CFHR4: variants seen among roughly 807,000 people sequenced by gnomAD.
CFHR4 encodes complement factor H-related protein 4.
In CFHR4, 64 loss-of-function variants were observed where a neutral mutation model predicts 69.3. The ratio of observed to expected loss-of-function variants is 0.92; its 90% confidence interval spans 0.76 to 1.14. The LOEUF is 1.14. CFHR4 is among the 50% of genes most tolerant of loss of function. The probability of loss-of-function intolerance (pLI) is 0.00; values close to 1 mark genes in which losing one functional copy is unlikely to be tolerated. For missense variants in CFHR4, 636 were observed against 684.9 expected, an observed-to-expected ratio of 0.93 and a Z score of 0.80; for synonymous variants, 244 against 237.0, an observed-to-expected ratio of 1.03 and a Z score of -0.27.
intron 1 of CFHR4, 104 bp from the exon 2 acceptor site, chr1:196,902,314 C>T (rs1167980115): frequency 1.2e-6 from 1 of 819,708 alleles, no homozygotes; most frequent in Non-Finnish European, 1.9e-6. Context: ...ACCCCTAATT[C>T]ATTACACTAA....
chr1:196,897,694 TTC>T (rs1178841426), intron 1 of CFHR4, among the ~76,000 whole-genome samples: 13 of 151,450 alleles, frequency 8.6e-5, no homozygotes, highest in Admixed American at 7.2e-4. Context: ...ATTCCTGCTC[TTC>T]TCTCTTTCTC....
At chr1:196,909,991 A>C (rs1658152318) in intron 5 of CFHR4, among the ~76,000 whole-genome samples, 1 of 150,742 alleles carries the variant, frequency 6.6e-6, no homozygotes. Flanking sequence ...GTGTCTACTA[A>C]AATTACAAAA....
Position 196,907,377 on chromosome 1 carries a change from G to A in CFHR4, c.678G>A (p.Pro226=), listed in dbSNP as rs779045232. The A allele has an allele frequency of 3.7e-5, 59 of 1,611,444 alleles. 1 individual carries two copies. The highest frequency in any genetic ancestry group is 6.7e-5 in the East Asian group (3 of 44,802). The change falls in exon 5 of 10, where the codon CCG becomes CCA. Residue 226 remains proline (P), a synonymous_variant. Coordinates refer to ENST00000608469, the MANE Select transcript of CFHR4 (RefSeq NM_001201550.3). ...GCAATGGAGATACCACGTCCTTCCC[G>A]CAAAAAGTGTATCTGCCATGGTCAA... The part of the protein sequence containing the change: ...PISNGDTTSF[P]QKVYLPWSRV...
At chr1:196,915,939 T>C (rs1203947208) in intron 9 of CFHR4, among the ~76,000 whole-genome samples, 1 of 151,286 alleles carries the variant, frequency 6.6e-6, no homozygotes, top group Non-Finnish European at 1.5e-5. Flanking sequence ...CCGGATAGAA[T>C]ACATAGCTGG....
rs116836101 is a variant in CFHR4 at position 196,897,654 on chromosome 1, A to G, written c.59-4764A>G. 6.8e-3 allele frequency among the ~76,000 whole-genome samples: 1,034 copies of G among 151,448 alleles called. 39 individuals are homozygous for G. Among genetic ancestry groups the G allele is most frequent in the African/African-American group, 0.024 (989 of 41,076 alleles). ...GCCAGATTTTTCTCCGACCTCCCCT[A>G]GCGGAACTCATTTCCCTCGGCATCC... On this transcript the variant is annotated intron_variant, in intron 1 of 9. Coordinates refer to ENST00000608469, the MANE Select transcript of CFHR4 (RefSeq NM_001201550.3).
Position 196,918,287 on chromosome 1 carries a change from G to A in CFHR4, c.1618G>A (p.Ala540Thr). Residue 540 changes from alanine to threonine, a missense_variant, in exon 10 of 10, where the codon GCA becomes ACA. Physicochemically the swap from Ala to Thr is moderately conservative, Grantham distance 58 (BLOSUM62 0). Coordinates refer to ENST00000608469, the MANE Select transcript of CFHR4 (RefSeq NM_001201550.3). ...LKGKSDIKYY[A>T]KTGDTIEFMC... is the part of the protein sequence containing the mutation. ...AGGAAAAAGTGACATAAAATATTATGCAAAAACAGGGGATACCATTGAATT... is the reference window on the plus strand; with the variant it reads ...AGGAAAAAGTGACATAAAATATTATACAAAAACAGGGGATACCATTGAATT... 6.2e-7 allele frequency: 1 copy of A among 1,609,036 alleles called. No individual in the cohort carries two copies. The highest frequency in any genetic ancestry group is 8.5e-7 in the Non-Finnish European group (1 of 1,176,694).
chr1:196,897,714 T>G (rs1657390010), intron 1 of CFHR4, among the ~76,000 whole-genome samples: 1 of 151,446 alleles, frequency 6.6e-6, no homozygotes, highest in Admixed American at 6.6e-5. Flanking sequence ...CTCTGCTGCC[T>G]TGTTCCGCTG....
At chr1:196,905,409 C>G (rs757646955) in intron 3 of CFHR4, 119 bp downstream of exon 3, 10 of 1,330,680 alleles carry the variant, frequency 7.5e-6, no homozygotes, top group Non-Finnish European at 7.2e-6. Context: ...ATAAATACTT[C>G]TAACATCATC....
intron 1 of CFHR4, among the ~76,000 whole-genome samples, chr1:196,897,345 G>T (rs924254660): frequency 2.0e-5 from 3 of 151,398 alleles, no homozygotes; most frequent in Admixed American, 2.0e-4. Context: ...CGCCCAAGTG[G>T]ACGCGTGTTA....
chr1:196,912,846 T>G lies in CFHR4; in HGVS notation c.1104T>G (p.Tyr368Ter), dbSNP rs1658352333. Reference protein sequence around the residue: ...KEIQYKCKPGYATADGNSSGS... With the variant: ...KEIQYKCKPG ...TACAATATAAATGTAAACCAGGATA[T>G]GCAACAGCAGATGGAAATTCTTCAG... The change falls in exon 7 of 10, where the codon TAT becomes TAG. Residue 368 changes from tyrosine to a stop codon, truncating the protein, a stop_gained. Transcript: ENST00000608469. LOFTEE classifies it high-confidence loss of function. 1 of 1,611,278 alleles carries G rather than the reference T, an allele frequency of 6.2e-7. No individual in the cohort carries two copies. The highest frequency in any genetic ancestry group is 8.5e-7 in the Non-Finnish European group (1 of 1,178,782).
chr1:196,918,050 T>C (rs1007997493), intron 9 of CFHR4, among the ~76,000 whole-genome samples, 160 bp from the exon 10 acceptor site: 3 of 151,650 alleles, frequency 2.0e-5, no homozygotes, highest in African/African-American at 7.3e-5. Context: ...TTATTATATT[T>C]TTGAAATGCT....
At chr1:196,894,755 T>TA (rs1234486847) in intron 1 of CFHR4, among the ~76,000 whole-genome samples, 1 of 151,436 alleles carries the variant, frequency 6.6e-6, no homozygotes, top group East Asian at 1.9e-4. Flanking sequence ...CTTTGCTATT[T>TA]AAAAATTTGA....
At chr1:196,898,090 AG>A (rs1251794261) in intron 1 of CFHR4, among the ~76,000 whole-genome samples, 5 of 151,412 alleles carry the variant, frequency 3.3e-5, no homozygotes, top group Admixed American at 3.3e-4. Context: ...TTTAATGGGT[AG>A]TGATTTCTAC....
At chr1:196,909,003 G>A (rs1168625178) in intron 5 of CFHR4, among the ~76,000 whole-genome samples, 5 of 151,310 alleles carry the variant, frequency 3.3e-5, no homozygotes, top group East Asian at 3.9e-4. Flanking sequence ...GTGTAAGTCC[G>A]GGCTCCAAAC....
chr1:196,907,535 G>A (rs1477274887), intron 5 of CFHR4, 37 bp downstream of exon 5: 5 of 1,541,916 alleles, frequency 3.2e-6, no homozygotes, highest in Non-Finnish European at 4.5e-6. Flanking sequence ...GAAAATTAGA[G>A]TAATAACTTT....
chr1:196,905,653 T>A (rs1386673819), intron 3 of CFHR4, among the ~76,000 whole-genome samples: 1 of 151,536 alleles, frequency 6.6e-6, no homozygotes, highest in African/African-American at 2.4e-5. Flanking sequence ...TTGTATTGTA[T>A]TCCTTGCTCA....
intron 5 of CFHR4, among the ~76,000 whole-genome samples, chr1:196,908,182 T>G (rs979266918): frequency 1.3e-5 from 2 of 151,186 alleles, no homozygotes; most frequent in African/African-American, 4.9e-5. Context: ...AGGGGAGGGA[T>G]AGCATTAAGA....
intron 2 of CFHR4, among the ~76,000 whole-genome samples, chr1:196,902,885 T>C (rs963603333): frequency 6.6e-6 from 1 of 151,580 alleles, no homozygotes; most frequent in Admixed American, 6.6e-5. Flanking sequence ...CTGACTTTTT[T>C]GTAAAAACAT....
chr1:196,918,250 C>T lies in CFHR4; in HGVS notation c.1581C>T (p.Asn527=). 1 of 1,605,562 alleles carries T rather than the reference C, an allele frequency of 6.2e-7. No individual in the cohort carries two copies. Residue 527 remains asparagine, a synonymous_variant, in exon 10 of 10, where the codon AAC becomes AAT. Coordinates refer to ENST00000608469, the MANE Select transcript of CFHR4 (RefSeq NM_001201550.3). ...CTGAAGAAAACATGAATAAAAATAA[C>T]ATACAGTTAAAAGGAAAAAGTGACA... ...IITEENMNKN[N]IQLKGKSDIK...
Sources: gnomAD v4.1 joint callset for allele counts (sites outside exome capture counted in the v4.1 genomes callset) on GRCh38, gnomAD v4.1.1 for gene constraint, MANE v1.5 for transcripts, NCBI Gene and HGNC (gene_info 2026-07-23, HGNC 2026-07-21) for gene names.